The following CTSB variants were observed in gnomAD, a reference collection of about 807,000 sequenced individuals.
CTSB encodes the protein APP secretase.
Under a neutral mutation model 44.3 loss-of-function variants are expected in CTSB, and 57 were observed. That is an observed-to-expected ratio of 1.29 (90% CI 1.04 to 1.60). The LOEUF (loss-of-function observed/expected upper bound fraction) is 1.60, where lower values mean the gene tolerates loss of function less well. CTSB is among the 40% of genes most tolerant of loss of function. The probability of loss-of-function intolerance (pLI) is 0.00; values close to 1 mark genes in which losing one functional copy is unlikely to be tolerated. For missense variants in CTSB, 768 were observed against 443.0 expected (o/e 1.73, Z -6.59); for synonymous variants, 320 against 168.0 (o/e 1.91, Z -7.00).
Position 11,856,404 on chromosome 8 carries a change from A to T in CTSB, c.-25-2925T>A, listed in dbSNP as rs529096715. 5.3e-4 allele frequency among the ~76,000 whole-genome samples: 81 copies of T among 151,992 alleles called. 1 individual carries two copies. Among genetic ancestry groups the T allele is most frequent in the Non-Finnish European group, 8.7e-4 (59 of 67,978 alleles). On this transcript the variant is annotated intron_variant, in intron 1 of 9. Coordinates refer to ENST00000353047, the MANE Select transcript of CTSB (RefSeq NM_001908.5). ...CGAGGCGGTTGGATCACCTGAGGTC[A>T]GGAGTTAGAGACCAGCCTGACTAAG...
intron 6 of CTSB, 89 bp downstream of exon 6, chr8:11,847,978 C>A: frequency 2.2e-6 from 3 of 1,364,170 alleles, no homozygotes; most frequent in South Asian, 1.3e-5. Flanking sequence ...TCTGTCTCAA[C>A]CCCCAGTTTA....
At chr8:11,865,466 G>T (rs145210511) in intron 1 of CTSB, 57 of 152,032 alleles carry the variant, frequency 3.7e-4, no homozygotes, top group African/African-American at 1.3e-3. Flanking sequence ...GCACATGCCT[G>T]TAATCGCAGC....
At chr8:11,852,162 A>G (rs28412889) in intron 3 of CTSB, among the ~76,000 whole-genome samples, 3,692 of 152,226 alleles carry the variant, frequency 0.024, 144 homozygotes, top group African/African-American at 0.085. Context: ...GCTGAGGCCA[A>G]GAGTTCGAGA....
Position 11,853,431 on chromosome 8 carries a change from G to A in CTSB, c.24C>T (p.Leu8=), listed in dbSNP as rs771315908. The change falls in exon 2 of 10, where the codon CTC becomes CTT. Residue 8 remains leucine, a synonymous_variant. Coordinates refer to ENST00000353047, the MANE Select transcript of CTSB (RefSeq NM_001908.5). MWQLWAS[L]CCLLVLANAR... ...CATTGGCCAACACCAGCAGGCAGCAGAGGGAGGCCCAGAGCTGCCACATGT... is the reference window on the plus strand; with the variant it reads ...CATTGGCCAACACCAGCAGGCAGCAAAGGGAGGCCCAGAGCTGCCACATGT... 2 of 1,612,562 alleles carry A rather than the reference G, an allele frequency of 1.2e-6. No individual in the cohort carries two copies. The highest frequency in any genetic ancestry group is 1.1e-5 in the South Asian group (1 of 90,956).
chr8:11,844,253 A>G lies in CTSB; in HGVS notation c.*872T>C, dbSNP rs1267139354. 1.3e-5 allele frequency: 2 copies of G among 152,172 alleles called. No individual in the cohort carries two copies. Among genetic ancestry groups the G allele is most frequent in the Non-Finnish European group, 2.9e-5 (2 of 67,990 alleles). The allele number at this position is 152,172 out of a possible 1,614,324, so 9.4% of individuals were successfully genotyped here. Reference sequence around the variant, plus strand: ...CAGGACGTGATTCTCTGCAGGGACAAAGAGAGACAGCAGCTACAAGTCTAT... The same window carrying G: ...CAGGACGTGATTCTCTGCAGGGACAGAGAGAGACAGCAGCTACAAGTCTAT... On this transcript the variant is annotated 3_prime_UTR_variant, in exon 10 of 10. Coordinates refer to ENST00000353047, the MANE Select transcript of CTSB (RefSeq NM_001908.5).
Position 11,844,979 on chromosome 8 carries a change from G to C in CTSB, c.*146C>G, listed in dbSNP as rs1812988489. On this transcript the variant is annotated 3_prime_UTR_variant, in exon 10 of 10. Transcript: ENST00000353047. ...ACAGGCTGGGATGTAGCCAGGACTT[G>C]GTCTCCTTGGAAGACAGGTCTGATG... 1.6e-6 allele frequency: 1 copy of C among 631,260 alleles called. No individual in the cohort carries two copies. The highest frequency in any genetic ancestry group is 2.7e-5 in the East Asian group (1 of 36,432). The allele number at this position is 631,260 out of a possible 1,614,324, so 39.1% of individuals were successfully genotyped here. A position where few individuals can be genotyped will look rare whatever the true frequency, so the allele number is the denominator to read the frequency against.
At chr8:11,853,252 G>T in intron 2 of CTSB, 77 bp downstream of exon 2, 1 of 1,565,840 alleles carries the variant, frequency 6.4e-7, no homozygotes, top group Non-Finnish European at 8.7e-7. Context: ...AGTGAGGGCT[G>T]GCTTCCCATT....
rs779929641 is a variant in CTSB, at chr8:11,847,663, G to A, written c.676+16C>T. On this transcript the variant is annotated intron_variant, in intron 7 of 9. Transcript: ENST00000353047. The stretch of plus-strand genomic sequence containing the variant: ...CAGCCTCCACGTGCGCCGTGGCCAG[G>A]CCCCAGGCCCCTTACCGTAGTGCTT... 5 of 1,493,756 alleles carry A rather than the reference G, an allele frequency of 3.3e-6. No homozygotes were observed. Among genetic ancestry groups the A allele is most frequent in the South Asian group, 2.7e-5 (2 of 75,088 alleles). The allele number at this position is 1,493,756 out of a possible 1,614,324, so 92.5% of individuals were successfully genotyped here.
chr8:11,845,510 T>C, intron 9 of CTSB, 151 bp downstream of exon 9: 1 of 936,072 alleles, frequency 1.1e-6, no homozygotes, highest in Non-Finnish European at 1.6e-6. Context: ...AAAAGGGAAC[T>C]CCTGACTGCC....
chr8:11,845,433 T>C (rs1813105434), intron 9 of CTSB, among the ~76,000 whole-genome samples: 1 of 152,162 alleles, frequency 6.6e-6, no homozygotes, highest in Admixed American at 6.5e-5. Context: ...TCACAGGATC[T>C]GGCGCGATGC....
Position 11,850,873 on chromosome 8 carries a change from G to T in CTSB, c.320C>A (p.Ser107Tyr). Residue 107 changes from serine (S) to tyrosine (Y), a missense_variant, in exon 4 of 10, where the codon TCC (serine) becomes TAC (tyrosine). Physicochemically the swap from Ser to Tyr is moderately radical, Grantham distance 144. Coordinates refer to ENST00000353047, the MANE Select transcript of CTSB (RefSeq NM_001908.5). ...CAGCCAGCAGGGCCTTACCCAGCAG[G>T]AGCCACAGGAGCCCTGGTCTCTGAT... ...KEIRDQGSCG[S>Y]CWAFGAVEAI... 1.1e-5 allele frequency: 18 copies of T among 1,611,868 alleles called. No individual in the cohort carries two copies. The highest frequency in any genetic ancestry group is 1.4e-5 in the Non-Finnish European group (17 of 1,178,484).
In CTSB at chr8:11,845,065, A is replaced by G. The variant is rs1813003471; in HGVS notation, c.*60T>C. 2 of 1,140,020 alleles carry G rather than the reference A, an allele frequency of 1.8e-6. No individual in the cohort carries two copies. Among genetic ancestry groups the G allele is most frequent in the Non-Finnish European group, 1.3e-6 (1 of 752,318 alleles). The allele number at this position is 1,140,020 out of a possible 1,614,324, so 70.6% of individuals were successfully genotyped here. A position where few individuals can be genotyped will look rare whatever the true frequency, so the allele number is the denominator to read the frequency against. On this transcript the variant is annotated 3_prime_UTR_variant, in exon 10 of 10. Transcript: ENST00000353047. ...CTTGTATCTTACGTGAACTTAAAGA[A>G]TAAAATGCATTTCTACCCCGATCTC...
chr8:11,853,277 G>A (rs1441364400), intron 2 of CTSB, 52 bp downstream of exon 2: 6 of 1,601,856 alleles, frequency 3.7e-6, no homozygotes, highest in Admixed American at 1.7e-5. Flanking sequence ...GAGTCAGTGT[G>A]CACAGACCGA....
chr8:11,865,902 C>G lies in CTSB; in HGVS notation c.-26+2099G>C, dbSNP rs530132359. On this transcript the variant is annotated intron_variant, in intron 1 of 9. Coordinates refer to ENST00000353047, the MANE Select transcript of CTSB (RefSeq NM_001908.5). ...TGGTGATGGGCACTGGCAATCCCAGCTACTTGGGAGGGAGGCTGAGACAGG... is the reference window on the plus strand; with the variant it reads ...TGGTGATGGGCACTGGCAATCCCAGGTACTTGGGAGGGAGGCTGAGACAGG... Among the ~76,000 whole-genome samples the G allele has an allele frequency of 2.3e-4, 34 of 146,406 alleles. 1 individual carries two copies. The South Asian group carries it at 7.3e-3, about 31-fold the overall frequency.
chr8:11,850,419 C>CAAAAAAAAAAAAAAAAAAAAAAA (rs61067792), intron 4 of CTSB, among the ~76,000 whole-genome samples: 3 of 53,768 alleles, frequency 5.6e-5, no homozygotes, highest in African/African-American at 1.6e-4. Flanking sequence ...ACTCCATCTC[C>CAAAAAAAAAAAAAAAAAAAAAAA]AAAAAAAAAA....
intron 9 of CTSB, among the ~76,000 whole-genome samples, 198 bp from the exon 10 acceptor site, chr8:11,845,420 C>T (rs897572246): frequency 2.0e-5 from 3 of 152,238 alleles, no homozygotes; most frequent in African/African-American, 7.2e-5. Context: ...GTCACCCTTC[C>T]CATCACAGGA....
At chr8:11,846,838 A>G (rs1409963497) in intron 8 of CTSB, among the ~76,000 whole-genome samples, 2 of 152,082 alleles carry the variant, frequency 1.3e-5, no homozygotes, top group Admixed American at 1.3e-4. Context: ...GGCCTCTGGA[A>G]TTGTGTGTGT....
At chr8:11,850,245 C>A (rs964042630) in intron 4 of CTSB, among the ~76,000 whole-genome samples, 1 of 151,696 alleles carries the variant, frequency 6.6e-6, no homozygotes, top group South Asian at 2.1e-4. Context: ...ATGGCAAAAC[C>A]CCATCTCTAC....
intron 1 of CTSB, chr8:11,865,707 C>G (rs10099874): frequency 6.6e-6 from 1 of 151,624 alleles, no homozygotes; most frequent in African/African-American, 2.4e-5. Flanking sequence ...AACTCATTAC[C>G]AGATTTAAGA....
Sources: gnomAD v4.1 joint callset for allele counts (sites outside exome capture counted in the v4.1 genomes callset) on GRCh38, gnomAD v4.1.1 for gene constraint, MANE v1.5 for transcripts, NCBI Gene and HGNC (gene_info 2026-07-23, HGNC 2026-07-21) for gene names.